SYN3: variants seen among roughly 807,000 people sequenced by gnomAD.
The protein encoded by SYN3 is synapsin III, also known as synapsin-3.
A neutral mutation model predicts 65.8 loss-of-function variants in SYN3; 35 were observed. The observed-to-expected ratio is 0.53, with a 90% CI of 0.41 to 0.70. The LOEUF is 0.70. Ranked by LOEUF, SYN3 falls within the 30% of genes least tolerant of loss-of-function variation. The probability of loss-of-function intolerance (pLI) is 0.00; values close to 1 mark genes in which losing one functional copy is unlikely to be tolerated. For synonymous variants in SYN3, 270 were observed against 292.9 expected (o/e 0.92, Z 0.80); for missense variants, 680 against 749.0 (o/e 0.91, Z 1.08).
intron 7 of SYN3, among the ~76,000 whole-genome samples, chr22:32,578,669 A>G (rs1236157377): frequency 1.3e-5 from 2 of 152,242 alleles, no homozygotes; most frequent in Non-Finnish European, 2.9e-5. Flanking sequence ...TTCCTTGAAC[A>G]TAGTAAGGGC....
chr22:32,542,367 A>T (rs2058270021), intron 7 of SYN3, among the ~76,000 whole-genome samples: 1 of 151,488 alleles, frequency 6.6e-6, no homozygotes, highest in Admixed American at 6.6e-5. Flanking sequence ...AGTTTGTGGG[A>T]GATGTCTGTG....
chr22:32,905,316 C>T (rs2049872773), intron 4 of SYN3, among the ~76,000 whole-genome samples: 1 of 152,172 alleles, frequency 6.6e-6, no homozygotes, highest in Admixed American at 6.5e-5. Flanking sequence ...CAGTATTACT[C>T]TAACTTGCAA....
At chr22:32,555,576 G>A (rs1386990516) in intron 7 of SYN3, among the ~76,000 whole-genome samples, 1 of 152,166 alleles carries the variant, frequency 6.6e-6, no homozygotes, top group Non-Finnish European at 1.5e-5. Flanking sequence ...GTAATTTACT[G>A]AACCAGGTTA....
At chr22:32,516,741 C>G (rs2057784421) in intron 13 of SYN3, among the ~76,000 whole-genome samples, 6 of 152,206 alleles carry the variant, frequency 3.9e-5, no homozygotes, top group Admixed American at 3.9e-4. Context: ...GATCCCTGGA[C>G]TGGATGTCGT....
At chr22:32,601,220 C>T (rs115627126) in intron 6 of SYN3, among the ~76,000 whole-genome samples, 2 of 151,950 alleles carry the variant, frequency 1.3e-5, no homozygotes, top group African/African-American at 4.8e-5. Flanking sequence ...TTTCAGAATT[C>T]ATCCAAAGCA....
chr22:32,799,069 T>A (rs1289948264), intron 6 of SYN3, among the ~76,000 whole-genome samples: 4 of 152,198 alleles, frequency 2.6e-5, no homozygotes, highest in Non-Finnish European at 5.9e-5. Flanking sequence ...AATTCTTACA[T>A]ATTATTAGGC....
chr22:32,585,333 G>C (rs1376767142), intron 7 of SYN3, among the ~76,000 whole-genome samples: 1 of 152,090 alleles, frequency 6.6e-6, no homozygotes, highest in East Asian at 1.9e-4. Flanking sequence ...GCATCAGTTG[G>C]TTTTCCCCAG....
intron 6 of SYN3, among the ~76,000 whole-genome samples, chr22:32,757,064 G>GGA (rs1033752654): frequency 3.3e-5 from 5 of 150,540 alleles, no homozygotes; most frequent in Non-Finnish European, 3.0e-5. Context: ...TTTTGAGGGG[G>GGA]GGTGGTTTGG....
Position 33,006,741 on chromosome 22 carries a change from A to G in SYN3, c.-79T>C. 2 of 1,436,846 alleles carry G rather than the reference A, an allele frequency of 1.4e-6. No homozygotes were observed. Among genetic ancestry groups the G allele is most frequent in the Non-Finnish European group, 1.9e-6 (2 of 1,063,958 alleles). 89.0% of individuals were successfully genotyped at this position (1,436,846 alleles called of 1,614,324 possible). ...CCCAGAAGACAGGCTGCTGCCAGGT[A>G]CAGGGAGTGGTAGGACTTTAGCCAG... On this transcript the variant is annotated 5_prime_UTR_variant, in exon 2 of 14. Transcript: ENST00000358763.
chr22:32,525,831 G>A (rs2057967947), intron 12 of SYN3, among the ~76,000 whole-genome samples: 1 of 152,218 alleles, frequency 6.6e-6, no homozygotes. Flanking sequence ...AAGTTTGAAA[G>A]AAGTTCTACT....
rs141824012 is a variant in SYN3 at position 32,647,419 on chromosome 22, G to A, written c.712-50683C>T. ...TGCTGAGAAAGTTATTTCCTTTTCA[G>A]TGAATTTTCTAGCTTTGAGATTTTT... On this transcript the variant is annotated intron_variant, in intron 6 of 13. Coordinates refer to ENST00000358763, the MANE Select transcript of SYN3 (RefSeq NM_003490.4). 2.7e-3 allele frequency among the ~76,000 whole-genome samples: 413 copies of A among 152,090 alleles called. 2 individuals are homozygous for A. Among genetic ancestry groups the A allele is most frequent in the African/African-American group, 9.2e-3 (383 of 41,496 alleles).
At chr22:32,663,920 T>G (rs2060253368) in intron 6 of SYN3, among the ~76,000 whole-genome samples, 1 of 138,504 alleles carries the variant, frequency 7.2e-6, no homozygotes, top group South Asian at 2.1e-4. Flanking sequence ...ATTTAGTATC[T>G]TTAACAGCAT....
In SYN3 at chr22:32,509,730, G is replaced by A. The variant is rs1402879414; in HGVS notation, c.*3962C>T. Among the ~76,000 whole-genome samples, 3 of 151,880 alleles carry A rather than the reference G, an allele frequency of 2.0e-5. No homozygotes were observed. The highest frequency in any genetic ancestry group is 1.9e-4 in the East Asian group (1 of 5,162). ...ACTACAGGCGCCCGCTACCACGCCC[G>A]GCTAATTTTTTATATTTTTAGTAGA... On this transcript the variant is annotated 3_prime_UTR_variant, in exon 14 of 14. Coordinates refer to ENST00000358763, the MANE Select transcript of SYN3 (RefSeq NM_003490.4).
intron 6 of SYN3, among the ~76,000 whole-genome samples, chr22:32,668,363 C>G (rs993016703): frequency 2.0e-5 from 3 of 151,306 alleles, no homozygotes; most frequent in South Asian, 2.1e-4. Flanking sequence ...TTTCCACCCC[C>G]CCTTCCTTCA....
rs1206954161 is a variant in SYN3, at chr22:32,864,977, A to G, written c.649T>C (p.Ser217Pro). The change falls in exon 6 of 14, where the codon TCC (serine) becomes CCC (proline). Residue 217 changes from serine to proline, a missense_variant. Transcript: ENST00000358763. The part of the protein sequence containing the change: ...VFSQLIKIFH[S>P]LGPEKFPLVE... ...AGCGGGAACTTCTCAGGACCCAGGG[A>G]ATGGAAGATCTTAATGAGCTGAGAG... 6.2e-7 allele frequency: 1 copy of G among 1,614,116 alleles called. No homozygotes were observed. The highest frequency in any genetic ancestry group is 8.5e-7 in the Non-Finnish European group (1 of 1,179,964).
chr22:32,895,591 A>G (rs767611389), intron 4 of SYN3, among the ~76,000 whole-genome samples: 2 of 151,982 alleles, frequency 1.3e-5, no homozygotes, highest in Non-Finnish European at 2.9e-5. Context: ...AAACACCTAG[A>G]CTCTTGCTAT....
chr22:32,858,205 C>T, intron 6 of SYN3: 1 of 1,598,118 alleles, frequency 6.3e-7, no homozygotes, highest in Non-Finnish European at 8.6e-7. Context: ...ACATCAGCTC[C>T]CAATGCACTG....
At chr22:33,010,114 C>G (rs1001301758) in intron 1 of SYN3, among the ~76,000 whole-genome samples, 7 of 152,070 alleles carry the variant, frequency 4.6e-5, no homozygotes, top group African/African-American at 1.7e-4. Context: ...TGCCTGTAAT[C>G]CCAGCTACTT....
At chr22:32,930,150 G>C (rs2050586536) in intron 4 of SYN3, among the ~76,000 whole-genome samples, 1 of 152,138 alleles carries the variant, frequency 6.6e-6, no homozygotes, top group Admixed American at 6.5e-5. Context: ...TGGTTTGGCT[G>C]TGTCCCCACC....
Sources: gnomAD v4.1 joint callset for allele counts (sites outside exome capture counted in the v4.1 genomes callset) on GRCh38, gnomAD v4.1.1 for gene constraint, MANE v1.5 for transcripts, NCBI Gene and HGNC (gene_info 2026-07-23, HGNC 2026-07-21) for gene names.